The following EPHB1 variants were observed in gnomAD, a reference collection of about 807,000 sequenced individuals.
The protein encoded by EPHB1 is EPH receptor B1.
In EPHB1, 30 loss-of-function variants were observed where a neutral mutation model predicts 94.4. The observed-to-expected ratio is 0.32, with a 90% CI of 0.24 to 0.43. The LOEUF (loss-of-function observed/expected upper bound fraction) is 0.43. Among genes scored for constraint, EPHB1 ranks in the 20% least tolerant of loss-of-function variants. EPHB1 has a pLI of 1.00. For synonymous variants in EPHB1, 522 were observed against 489.1 expected, an observed-to-expected ratio of 1.07 and a Z score of -0.89; for missense variants, 1,055 against 1,308.3, an observed-to-expected ratio of 0.81 and a Z score of 2.99.
chr3:135,062,125 A>C (rs988290403), intron 3 of EPHB1, among the ~76,000 whole-genome samples: 2 of 152,192 alleles, frequency 1.3e-5, no homozygotes, highest in African/African-American at 4.8e-5. Context: ...ATATCTTTGC[A>C]ATTGTGAATT....
chr3:134,808,361 G>C (rs1481917709), intron 1 of EPHB1, among the ~76,000 whole-genome samples: 1 of 152,156 alleles, frequency 6.6e-6, no homozygotes, highest in Non-Finnish European at 1.5e-5. Flanking sequence ...GGCCAGGCTT[G>C]GGTCATGTGT....
intron 3 of EPHB1, among the ~76,000 whole-genome samples, chr3:135,088,891 C>A (rs937702232): frequency 3.3e-5 from 5 of 152,178 alleles, no homozygotes; most frequent in Non-Finnish European, 5.9e-5. Flanking sequence ...ATATTAACTG[C>A]TATTAATACT....
At chr3:135,030,873 G>A (rs1936423318) in intron 3 of EPHB1, among the ~76,000 whole-genome samples, 1 of 152,170 alleles carries the variant, frequency 6.6e-6, no homozygotes, top group South Asian at 2.1e-4. Flanking sequence ...AGCAATCAGC[G>A]AGACTCCTTG....
intron 1 of EPHB1, among the ~76,000 whole-genome samples, chr3:134,851,131 A>G (rs1691693516): frequency 6.6e-6 from 1 of 152,228 alleles, no homozygotes; most frequent in South Asian, 2.1e-4. Flanking sequence ...GCGAAGGGAA[A>G]GAAAGGCTGG....
chr3:135,145,180 C>T (rs1449430601), intron 5 of EPHB1, among the ~76,000 whole-genome samples: 2 of 152,194 alleles, frequency 1.3e-5, no homozygotes, highest in African/African-American at 4.8e-5. Flanking sequence ...ACCTTTTCAG[C>T]AAAGTTACCT....
chr3:134,943,295 C>T (rs550692311), intron 2 of EPHB1, among the ~76,000 whole-genome samples: 23 of 152,290 alleles, frequency 1.5e-4, no homozygotes, highest in Non-Finnish European at 2.1e-4. Context: ...GCAACAACAT[C>T]GAGGGGCAGA....
chr3:135,076,234 G>GATATATATATATATAT lies in EPHB1; in HGVS notation c.806-30202_806-30187dup, dbSNP rs60727518. Among the ~76,000 whole-genome samples the GATATATATATATATAT allele has an allele frequency of 6.7e-3, 883 of 130,920 alleles. 15 individuals carry two copies. Among genetic ancestry groups the GATATATATATATATAT allele is most frequent in the African/African-American group, 0.021 (563 of 26,850 alleles). The allele number at this position is 130,920 out of a possible 152,430, so 85.9% of individuals were successfully genotyped here. A position where few individuals can be genotyped will look rare whatever the true frequency, so the allele number is the denominator to read the frequency against. ...TTTGTATATCATTTATCTGAAAAGG[G>GATATATATATATATAT]ATATATATATATATATATATATATA... On this transcript the variant is annotated intron_variant, in intron 3 of 15. Coordinates refer to ENST00000398015, the MANE Select transcript of EPHB1 (RefSeq NM_004441.5).
At chr3:135,074,271 AT>A (rs1230082210) in intron 3 of EPHB1, among the ~76,000 whole-genome samples, 2 of 152,224 alleles carry the variant, frequency 1.3e-5, no homozygotes, top group East Asian at 3.8e-4. Context: ...TTTAAATATC[AT>A]CATGAGCTCA....
chr3:134,883,066 C>A (rs981803899), intron 1 of EPHB1, among the ~76,000 whole-genome samples: 11 of 152,122 alleles, frequency 7.2e-5, no homozygotes, highest in African/African-American at 2.7e-4. Context: ...TTGTGATCCG[C>A]CTGTCTTGGC....
chr3:135,118,405 A>G (rs571759542), intron 4 of EPHB1, among the ~76,000 whole-genome samples: 6 of 152,348 alleles, frequency 3.9e-5, no homozygotes, highest in Admixed American at 2.0e-4. Context: ...GGTTTTTCTC[A>G]GTTAACCTCA....
chr3:134,810,846 A>G (rs953510018), intron 1 of EPHB1, among the ~76,000 whole-genome samples: 1 of 152,082 alleles, frequency 6.6e-6, no homozygotes, highest in Non-Finnish European at 1.5e-5. Flanking sequence ...GTGCAGTCCT[A>G]GTTGCAGCCA....
chr3:135,256,634 C>T (rs1933405171), intron 15 of EPHB1, among the ~76,000 whole-genome samples: 1 of 152,198 alleles, frequency 6.6e-6, no homozygotes, highest in Non-Finnish European at 1.5e-5. Context: ...CGACCTTTCT[C>T]TCTGGCTGCC....
chr3:135,234,801 C>T (rs1943610758), intron 12 of EPHB1, among the ~76,000 whole-genome samples: 1 of 152,192 alleles, frequency 6.6e-6, no homozygotes, highest in South Asian at 2.1e-4. Context: ...AACTCACTCA[C>T]TATCATGAGA....
intron 6 of EPHB1, among the ~76,000 whole-genome samples, chr3:135,157,880 A>G (rs971128853): frequency 6.6e-6 from 1 of 152,230 alleles, no homozygotes; most frequent in Admixed American, 6.5e-5. Context: ...ACTTGAAAAT[A>G]TATATAACCA....
intron 3 of EPHB1, 105 bp downstream of exon 3, chr3:134,952,157 T>C: frequency 3.3e-6 from 4 of 1,230,404 alleles, no homozygotes; most frequent in Non-Finnish European, 4.5e-6. Flanking sequence ...AATAGTCTAA[T>C]GGCTTATTAT....
intron 1 of EPHB1, among the ~76,000 whole-genome samples, chr3:134,811,255 T>TGTTTGTTTTTG (rs2036172897): frequency 7.6e-6 from 1 of 132,334 alleles, no homozygotes; most frequent in African/African-American, 2.7e-5. Flanking sequence ...TTTTTTTTTT[T>TGTTTGTTTTTG]TTTTTTTTCT....
At chr3:135,106,339 G>A in intron 3 of EPHB1, 109 bp from the exon 4 acceptor site, 9 of 1,204,368 alleles carry the variant, frequency 7.5e-6, no homozygotes, top group Non-Finnish European at 9.5e-6. Context: ...TACGAGAGGG[G>A]CATCTCAATG....
intron 1 of EPHB1, among the ~76,000 whole-genome samples, chr3:134,896,781 A>T (rs1043922563): frequency 1.3e-5 from 2 of 152,348 alleles, no homozygotes; most frequent in South Asian, 2.1e-4. Flanking sequence ...TTTGGTGGTG[A>T]CAGAAACCGC....
intron 3 of EPHB1, among the ~76,000 whole-genome samples, chr3:135,090,608 A>G (rs1938519879): frequency 6.6e-6 from 1 of 152,242 alleles, no homozygotes. Flanking sequence ...TGGCAGAGCC[A>G]GTTAGACCTG....
Sources: gnomAD v4.1 joint callset for allele counts (sites outside exome capture counted in the v4.1 genomes callset) on GRCh38, gnomAD v4.1.1 for gene constraint, MANE v1.5 for transcripts, NCBI Gene and HGNC (gene_info 2026-07-23, HGNC 2026-07-21) for gene names.